Variants in KIF11 observed in about 807,000 individuals in gnomAD.
KIF11 encodes the protein kinesin-like protein KIF11.
In KIF11, 9 loss-of-function variants were observed where a neutral mutation model predicts 121.0. The observed-to-expected ratio is 0.07, with a 90% CI of 0.04 to 0.13. The LOEUF (loss-of-function observed/expected upper bound fraction) is 0.13. Among genes scored for constraint, KIF11 ranks in the 10% least tolerant of loss-of-function variants. The pLI is 1.00. For missense variants in KIF11, 846 were observed against 1,217.5 expected (o/e 0.69, Z 4.54); for synonymous variants, 408 against 421.0 (o/e 0.97, Z 0.38).
chr10:92,651,982 TTA>T (rs1491440058), intron 21 of KIF11, among the ~76,000 whole-genome samples: 7 of 138,114 alleles, frequency 5.1e-5, no homozygotes, highest in African/African-American at 1.8e-4. Context: ...TTTTTTTTTT[TTA>T]AATATATATA....
intron 10 of KIF11, among the ~76,000 whole-genome samples, chr10:92,626,704 A>G (rs1844681355): frequency 6.6e-6 from 1 of 152,226 alleles, no homozygotes; most frequent in South Asian, 2.1e-4. Context: ...ACTATAAAAA[A>G]GCATTTCAAA....
chr10:92,611,487 G>A (rs369887616), intron 6 of KIF11, among the ~76,000 whole-genome samples: 2 of 151,992 alleles, frequency 1.3e-5, no homozygotes, highest in African/African-American at 2.4e-5. Context: ...GATTACAGGC[G>A]TGAGGCACCA....
chr10:92,640,674 C>T (rs1328840141), intron 17 of KIF11, among the ~76,000 whole-genome samples: 1 of 152,196 alleles, frequency 6.6e-6, no homozygotes, highest in Non-Finnish European at 1.5e-5. Context: ...TCGTGATCCG[C>T]CCGCCTCGGC....
chr10:92,636,393 G>A (rs777071074), intron 14 of KIF11, among the ~76,000 whole-genome samples: 20 of 152,190 alleles, frequency 1.3e-4, no homozygotes, highest in Non-Finnish European at 2.2e-4. Context: ...AAGGTGGGTG[G>A]ATCACTTGAG....
chr10:92,614,021 T>TATATAC (rs1284311727), intron 8 of KIF11, among the ~76,000 whole-genome samples: 18 of 127,058 alleles, frequency 1.4e-4, no homozygotes, highest in South Asian at 4.7e-4. Flanking sequence ...AGTATGTGTA[T>TATATAC]ACACACACAC....
chr10:92,593,520 A>G, intron 1 of KIF11, 68 bp downstream of exon 1: 4 of 1,360,856 alleles, frequency 2.9e-6, no homozygotes, highest in Non-Finnish European at 4.1e-6. Flanking sequence ...TGCGCGGTCC[A>G]GGGAGAGGGA....
chr10:92,606,608 T>G lies in KIF11; in HGVS notation c.211-11T>G. 1 of 1,487,330 alleles carries G rather than the reference T, an allele frequency of 6.7e-7. No homozygotes were observed. The highest frequency in any genetic ancestry group is 1.8e-4 in the Middle Eastern group (1 of 5,694). The allele number at this position is 1,487,330 out of a possible 1,614,324, so 92.1% of individuals were successfully genotyped here. A position where few individuals can be genotyped will look rare whatever the true frequency, so the allele number is the denominator to read the frequency against. Reference sequence around the variant, plus strand: ...GAGGTTGATTTTTTTTTTTTTAATTTTTTTCGTTAGGTGTTTGGAGCATCT... The same window carrying G: ...GAGGTTGATTTTTTTTTTTTTAATTGTTTTCGTTAGGTGTTTGGAGCATCT... On this transcript the variant is annotated splice_polypyrimidine_tract_variant and intron_variant, in intron 2 of 21. Transcript: ENST00000260731.
chr10:92,633,861 A>G, intron 14 of KIF11, 66 bp downstream of exon 14: 2 of 1,063,336 alleles, frequency 1.9e-6, no homozygotes, highest in Non-Finnish European at 2.8e-6. Context: ...AAATATTTTG[A>G]AGGGTTACAT....
At position 92,605,404 on chromosome 10, in the gene KIF11, G is replaced by T. The variant is rs1389240995; in HGVS notation, c.78-861G>T. 2.6e-5 allele frequency among the ~76,000 whole-genome samples: 4 copies of T among 151,502 alleles called. 1 individual carries two copies. The highest frequency in any genetic ancestry group is 5.9e-5 in the Non-Finnish European group (4 of 67,966). On this transcript the variant is annotated intron_variant, in intron 1 of 21. Coordinates refer to ENST00000260731, the MANE Select transcript of KIF11 (RefSeq NM_004523.4). ...TTATGTACTTTTTATTTTGTGCCAG[G>T]TATCTACTGGCAGATTAGTATTTTG...
intron 2 of KIF11, 102 bp from the exon 3 acceptor site, chr10:92,606,517 T>C: frequency 8.8e-7 from 1 of 1,138,356 alleles, no homozygotes; most frequent in Non-Finnish European, 1.3e-6. Flanking sequence ...GTCAGATGGC[T>C]TCTAGTGGGC....
intron 5 of KIF11, 78 bp downstream of exon 5, chr10:92,609,283 AG>A (rs1844465010): frequency 5.6e-6 from 7 of 1,256,006 alleles, no homozygotes; most frequent in Non-Finnish European, 7.6e-6. Context: ...AGAGAGAGAG[AG>A]AGAGAGAGAG....
chr10:92,628,024 A>G (rs1844698146), intron 10 of KIF11, among the ~76,000 whole-genome samples: 1 of 152,114 alleles, frequency 6.6e-6, no homozygotes, highest in Non-Finnish European at 1.5e-5. Context: ...ATTCCTATAG[A>G]CTAGTGGCTG....
intron 10 of KIF11, among the ~76,000 whole-genome samples, chr10:92,623,264 C>T (rs1050456159): frequency 6.6e-6 from 1 of 152,194 alleles, no homozygotes; most frequent in Non-Finnish European, 1.5e-5. Flanking sequence ...AACCACTAAT[C>T]TGTTCACTTT....
intron 18 of KIF11, 119 bp downstream of exon 18, chr10:92,645,761 TTAAGTA>T (rs1236788546): frequency 1.3e-6 from 1 of 766,938 alleles, no homozygotes; most frequent in Non-Finnish European, 2.1e-6. Flanking sequence ...ACTTAAACTT[TTAAGTA>T]TAATATTTGG....
intron 1 of KIF11, among the ~76,000 whole-genome samples, chr10:92,604,071 A>G (rs1221838641): frequency 8.6e-5 from 13 of 151,872 alleles, no homozygotes; most frequent in Admixed American, 8.5e-4. Flanking sequence ...CACCATTTTG[A>G]TTGTTTGAAT....
intron 10 of KIF11, among the ~76,000 whole-genome samples, chr10:92,626,826 C>T (rs1306461730): frequency 1.3e-5 from 2 of 152,166 alleles, no homozygotes; most frequent in Admixed American, 1.3e-4. Flanking sequence ...GTGGCGCCAT[C>T]TTGGCTCACT....
At position 92,606,624 on chromosome 10, in the gene KIF11, T is replaced by C. The variant is rs182023792; in HGVS notation, c.216T>C (p.Phe72=). ...SRKTYTFDMV[F]GASTKQIDVY... ...TTTTTAATTTTTTTCGTTAGGTGTTTGGAGCATCTACTAAACAGATTGATG... is the reference window on the plus strand; with the variant it reads ...TTTTTAATTTTTTTCGTTAGGTGTTCGGAGCATCTACTAAACAGATTGATG... The change falls in exon 3 of 22, where the codon TTT becomes TTC. Residue 72 remains phenylalanine, a synonymous_variant. Coordinates refer to ENST00000260731, the MANE Select transcript of KIF11 (RefSeq NM_004523.4). 5 of 1,556,206 alleles carry C rather than the reference T, an allele frequency of 3.2e-6. 1 individual carries two copies. In the South Asian group the frequency reaches 5.8e-5, roughly 18 times the overall value.
rs1425828450 is a variant in KIF11 at position 92,654,526 on chromosome 10, T to G, written c.*730T>G. On this transcript the variant is annotated 3_prime_UTR_variant, in exon 22 of 22. Coordinates refer to ENST00000260731, the MANE Select transcript of KIF11 (RefSeq NM_004523.4). Reference sequence around the variant, plus strand: ...CTTGCATCCTCCCTAGACTTCCCTATTTCGCTTTCTCCTCGGCTCACTTTC... The same window carrying G: ...CTTGCATCCTCCCTAGACTTCCCTAGTTCGCTTTCTCCTCGGCTCACTTTC... The G allele has an allele frequency of 6.6e-6, 1 of 152,194 alleles. No homozygotes were observed. The highest frequency in any genetic ancestry group is 1.5e-5 in the Non-Finnish European group (1 of 68,036). The allele number at this position is 152,194 out of a possible 1,614,324, so 9.4% of individuals were successfully genotyped here.
rs200380085 is a variant in KIF11 at position 92,626,450 on chromosome 10, A to T, written c.1218-2358A>T. Among the ~76,000 whole-genome samples the T allele has an allele frequency of 3.5e-4, 53 of 152,320 alleles. 2 individuals carry two copies. The East Asian group carries it at 0.01, about 29-fold the overall frequency. The stretch of plus-strand genomic sequence containing the variant: ...AAACTTAAATGTAAAACCTAAAACT[A>T]AAAACCCTTGTAAAAAACCTAGGTG... On this transcript the variant is annotated intron_variant, in intron 10 of 21. Transcript: ENST00000260731.
Sources: gnomAD v4.1 joint callset for allele counts (sites outside exome capture counted in the v4.1 genomes callset) on GRCh38, gnomAD v4.1.1 for gene constraint, MANE v1.5 for transcripts, NCBI Gene and HGNC (gene_info 2026-07-23, HGNC 2026-07-21) for gene names.